The following TTYH3 variants were observed in gnomAD, a reference collection of about 807,000 sequenced individuals.
TTYH3 encodes tweety family member 3.
In TTYH3, 23 loss-of-function variants were observed where a neutral mutation model predicts 68.2. The observed-to-expected ratio is 0.34, with a 90% confidence interval of 0.24 to 0.48. TTYH3 has a LOEUF of 0.48. TTYH3 is among the 20% of genes least tolerant of loss of function. TTYH3 has a pLI of 0.99. For missense variants in TTYH3, 768 were observed against 727.7 expected, an observed-to-expected ratio of 1.06 and a Z score of -0.64; for synonymous variants, 360 against 332.8, an observed-to-expected ratio of 1.08 and a Z score of -0.89.
At position 2,656,134 on chromosome 7, in the gene TTYH3, G is replaced by A; in HGVS notation, c.1063G>A (p.Val355Met). 2 of 1,570,238 alleles carry A rather than the reference G, an allele frequency of 1.3e-6. No individual in the cohort carries two copies. Among genetic ancestry groups the A allele is most frequent in the Non-Finnish European group, 1.7e-6 (2 of 1,157,976 alleles). ...CCAGGAGGTGCTGAATGGCACGGAG[G>A]TGAACCTGCAGCACCTCACCGCCCT... ...RVQEVLNGTEVNLQHLTALVD... is the reference protein window; with the variant it reads ...RVQEVLNGTEMNLQHLTALVD... Residue 355 changes from valine to methionine, a missense_variant, in exon 10 of 14, where the codon GTG (valine) becomes ATG (methionine). Physicochemically the swap from Val to Met is conservative, Grantham distance 21. Coordinates refer to ENST00000258796, the MANE Select transcript of TTYH3 (RefSeq NM_025250.3).
chr7:2,633,505 C>T (rs1011835984), intron 1 of TTYH3, among the ~76,000 whole-genome samples: 24 of 152,068 alleles, frequency 1.6e-4, no homozygotes, highest in Non-Finnish European at 2.4e-4. Context: ...GGCCCAGGCA[C>T]GCCCAGACAC....
At chr7:2,656,021 G>A (rs1786322788) in intron 9 of TTYH3, 71 bp from the exon 10 acceptor site, 3 of 1,283,498 alleles carry the variant, frequency 2.3e-6, no homozygotes, top group African/African-American at 1.5e-5. Context: ...GGGCTTCCCA[G>A]ATGGGGCGAG....
chr7:2,654,853 C>A (rs529979626), intron 9 of TTYH3, among the ~76,000 whole-genome samples: 1 of 152,236 alleles, frequency 6.6e-6, no homozygotes, highest in East Asian at 1.9e-4. Context: ...GGCGCAATCT[C>A]GGCTCACCGC....
At chr7:2,654,626 G>T (rs1222061000) in intron 9 of TTYH3, among the ~76,000 whole-genome samples, 1 of 152,154 alleles carries the variant, frequency 6.6e-6, no homozygotes, top group Non-Finnish European at 1.5e-5. Context: ...CCCAGATGGG[G>T]CAGCCTCCGC....
intron 7 of TTYH3, 131 bp downstream of exon 7, chr7:2,650,119 A>T (rs1786126543): frequency 1.2e-6 from 1 of 852,134 alleles, no homozygotes; most frequent in Non-Finnish European, 1.8e-6. Flanking sequence ...GTCCCAGGCC[A>T]AGATGCTAGT....
At chr7:2,639,604 C>G (rs114155462) in intron 1 of TTYH3, among the ~76,000 whole-genome samples, 1 of 152,228 alleles carries the variant, frequency 6.6e-6, no homozygotes, top group Admixed American at 6.5e-5. Flanking sequence ...CCAATTAGCC[C>G]GGAGCCCAGC....
chr7:2,661,834 G>T lies in TTYH3; in HGVS notation c.*95G>T. 7.5e-7 allele frequency: 1 copy of T among 1,331,786 alleles called. No individual in the cohort carries two copies. Among genetic ancestry groups the T allele is most frequent in the Non-Finnish European group, 1.0e-6 (1 of 962,138 alleles). The allele number at this position is 1,331,786 out of a possible 1,614,324, so 82.5% of individuals were successfully genotyped here. A position where few individuals can be genotyped will look rare whatever the true frequency, so the allele number is the denominator to read the frequency against. On this transcript the variant is annotated 3_prime_UTR_variant, in exon 14 of 14. Coordinates refer to ENST00000258796, the MANE Select transcript of TTYH3 (RefSeq NM_025250.3). ...TGGGCCACCCACCGGACCCTCGCAC[G>T]CCGTGCCAGGCCTGCCCCAGACGCG...
intron 7 of TTYH3, among the ~76,000 whole-genome samples, chr7:2,650,533 G>A (rs957775861): frequency 1.3e-5 from 2 of 151,836 alleles, no homozygotes; most frequent in African/African-American, 4.8e-5. Flanking sequence ...AGCCGAGATC[G>A]CACCACTGCA....
At chr7:2,651,891 TA>T (rs779300833) in intron 7 of TTYH3, among the ~76,000 whole-genome samples, 17 of 152,080 alleles carry the variant, frequency 1.1e-4, no homozygotes, top group Non-Finnish European at 2.4e-4. Flanking sequence ...GGCATGTGTG[TA>T]AATGCATGCA....
At chr7:2,656,219 C>A in intron 10 of TTYH3, 35 bp downstream of exon 10, 1 of 1,553,052 alleles carries the variant, frequency 6.4e-7, no homozygotes, top group South Asian at 1.2e-5. Flanking sequence ...GCCATGGCAG[C>A]TTGTAGGGTG....
intron 1 of TTYH3, among the ~76,000 whole-genome samples, chr7:2,643,365 A>T (rs968268146): frequency 2.0e-4 from 30 of 151,826 alleles, no homozygotes; most frequent in Non-Finnish European, 4.3e-4. Context: ...AAAAAAAAAA[A>T]AAAAAAAATC....
chr7:2,632,263 C>T lies in TTYH3; in HGVS notation c.108C>T (p.Asp36=). Residue 36 remains aspartate (D), a synonymous_variant, in exon 1 of 14, where the codon GAC becomes GAT. Transcript: ENST00000258796. The part of the protein sequence containing the change: ...EATSSQFRPE[D]TDYQQALLLL... The stretch of plus-strand genomic sequence containing the variant: ...CTAGCAGCCAGTTCCGGCCCGAGGA[C>T]ACCGACTACCAGCAGGTGACATGGG... 1 of 1,583,382 alleles carries T rather than the reference C, an allele frequency of 6.3e-7. No individual in the cohort carries two copies. Among genetic ancestry groups the T allele is most frequent in the South Asian group, 1.1e-5 (1 of 87,610 alleles).
rs1397621343 is a variant in TTYH3 at position 2,645,943 on chromosome 7, G to T, written c.124-910G>T. 4.5e-6 allele frequency: 2 copies of T among 445,654 alleles called. No homozygotes were observed. Among genetic ancestry groups the T allele is most frequent in the Non-Finnish European group, 4.7e-6 (1 of 213,870 alleles). 27.6% of individuals were successfully genotyped at this position (445,654 alleles called of 1,614,324 possible). A position where few individuals can be genotyped will look rare whatever the true frequency, so the allele number is the denominator to read the frequency against. ...GGCTCTGGGGTCCTGGGGCTGTCTCGGGCTGGGGGTGAGGACAGTAGCTGA... is the reference window on the plus strand; with the variant it reads ...GGCTCTGGGGTCCTGGGGCTGTCTCTGGCTGGGGGTGAGGACAGTAGCTGA... On this transcript the variant is annotated intron_variant, in intron 1 of 13. Coordinates refer to ENST00000258796, the MANE Select transcript of TTYH3 (RefSeq NM_025250.3). The surrounding 1 kb of genome is among the most constrained non-coding windows in gnomAD (Gnocchi z 4.8).
rs200114006 is a variant in TTYH3, at chr7:2,661,715, C to A, written c.1548C>A (p.Arg516=). 1.5e-4 allele frequency: 234 copies of A among 1,611,812 alleles called. No homozygotes were observed. The highest frequency in any genetic ancestry group is 1.9e-4 in the Non-Finnish European group (222 of 1,179,544). The change falls in exon 14 of 14, where the codon CGC becomes CGA. Residue 516 remains arginine (R), a synonymous_variant. Coordinates refer to ENST00000258796, the MANE Select transcript of TTYH3 (RefSeq NM_025250.3). ...RAKYLATSQP[R]PDSSGSH ...AATACCTCGCCACGAGCCAGCCTCG[C>A]CCTGACTCCAGCGGCAGCCACTAGA...
rs1785534147 is a variant in TTYH3, at chr7:2,632,065, C to T, written c.-91C>T. On this transcript the variant is annotated 5_prime_UTR_variant, in exon 1 of 14. Transcript: ENST00000258796. The stretch of plus-strand genomic sequence containing the variant: ...CGCGCGGATGATGCGGGCGGCCAGG[C>T]GGGGGTCGACGGGTCCCTGAAGCCC... The T allele has an allele frequency of 7.8e-6, 9 of 1,151,584 alleles. No homozygotes were observed. The highest frequency in any genetic ancestry group is 1.6e-5 in the African/African-American group (1 of 61,806). 71.3% of individuals were successfully genotyped at this position (1,151,584 alleles called of 1,614,324 possible).
At chr7:2,659,132 G>C in intron 13 of TTYH3, 117 bp downstream of exon 13, 3 of 1,018,704 alleles carry the variant, frequency 2.9e-6, no homozygotes, top group Non-Finnish European at 4.4e-6. Context: ...GGGGGCAGCT[G>C]TGAGCTGCCA....
intron 13 of TTYH3, among the ~76,000 whole-genome samples, chr7:2,659,542 G>C (rs1024892297): frequency 3.3e-5 from 5 of 152,164 alleles, no homozygotes; most frequent in Non-Finnish European, 7.4e-5. Context: ...GGCTGTTTCA[G>C]CCCAGGCCTG....
chr7:2,649,690 G>A (rs1209346668), intron 6 of TTYH3, 51 bp downstream of exon 6: 11 of 1,559,926 alleles, frequency 7.1e-6, no homozygotes, highest in Non-Finnish European at 9.5e-6. Flanking sequence ...GGGCACTGGG[G>A]GAGGGACGAG....
At position 2,645,037 on chromosome 7, in the gene TTYH3, C is replaced by T. The variant is rs1314352916; in HGVS notation, c.124-1816C>T. On this transcript the variant is annotated intron_variant, in intron 1 of 13. Coordinates refer to ENST00000258796, the MANE Select transcript of TTYH3 (RefSeq NM_025250.3). This position sits in a 1 kb window ranked among gnomAD's most constrained non-coding sequence, Gnocchi z 4.8. ...AAGCATTGAGATGTGGGGAGAGAGG[C>T]GTTTCTCTGCAGTAGTGCCAATGAG... Among the ~76,000 whole-genome samples, 1 of 152,190 alleles carries T rather than the reference C, an allele frequency of 6.6e-6. No individual in the cohort carries two copies. Among genetic ancestry groups the T allele is most frequent in the Non-Finnish European group, 1.5e-5 (1 of 68,010 alleles).
Sources: gnomAD v4.1 joint callset for allele counts (sites outside exome capture counted in the v4.1 genomes callset) on GRCh38, gnomAD v4.1.1 for gene constraint, Gnocchi (gnomAD v3.1) non-coding constraint, MANE v1.5 for transcripts, NCBI Gene and HGNC (gene_info 2026-07-23, HGNC 2026-07-21) for gene names.